Variants in AGTPBP1 observed in about 807,000 individuals in gnomAD.
AGTPBP1 encodes the protein cytosolic carboxypeptidase 1.
A neutral mutation model predicts 143.9 loss-of-function variants in AGTPBP1; 70 were observed. That is an observed-to-expected ratio of 0.49 (90% CI 0.40 to 0.59). The LOEUF is 0.59. Ranked by LOEUF, AGTPBP1 falls within the 20% of genes least tolerant of loss-of-function variation. The pLI is 0.00. For synonymous variants in AGTPBP1, 463 were observed against 500.2 expected, an observed-to-expected ratio of 0.93 and a Z score of 0.99; for missense variants, 1,229 against 1,464.5, an observed-to-expected ratio of 0.84 and a Z score of 2.62.
intron 25 of AGTPBP1, among the ~76,000 whole-genome samples, chr9:85,559,409 C>T (rs1826553479): frequency 6.6e-6 from 1 of 151,166 alleles, no homozygotes; most frequent in Non-Finnish European, 1.5e-5. Context: ...TTTCTGATCC[C>T]TTCTCAAATA....
At chr9:85,689,617 G>A (rs968975791) in intron 3 of AGTPBP1, among the ~76,000 whole-genome samples, 22 of 151,840 alleles carry the variant, frequency 1.4e-4, no homozygotes, top group Middle Eastern at 3.4e-3. Flanking sequence ...TTTCTTGGCC[G>A]GGCACAGTGG....
chr9:85,690,258 C>G (rs1282257329), intron 3 of AGTPBP1, among the ~76,000 whole-genome samples: 2 of 152,180 alleles, frequency 1.3e-5, no homozygotes, highest in Non-Finnish European at 2.9e-5. Flanking sequence ...TCCAAACTTT[C>G]TCTCCCAAAT....
At chr9:85,612,983 A>G (rs1440860736) in intron 17 of AGTPBP1, among the ~76,000 whole-genome samples, 1 of 152,186 alleles carries the variant, frequency 6.6e-6, no homozygotes, top group Non-Finnish European at 1.5e-5. Flanking sequence ...AACTGACCAG[A>G]TATTAAGCCA....
At chr9:85,696,235 G>C (rs991136302) in intron 2 of AGTPBP1, among the ~76,000 whole-genome samples, 2 of 152,108 alleles carry the variant, frequency 1.3e-5, no homozygotes, top group African/African-American at 4.8e-5. Context: ...GATAAAATTT[G>C]AGCTTTCAAG....
the AGTPBP1 span, among the ~76,000 whole-genome samples, chr9:85,750,266 T>C: frequency 2.0e-5 from 3 of 152,186 alleles, no homozygotes; most frequent in Non-Finnish European, 4.4e-5. Context: ...CATCCTGAAA[T>C]GTCTAGGGCT....
intron 14 of AGTPBP1, among the ~76,000 whole-genome samples, chr9:85,629,791 C>T (rs1287387596): frequency 2.0e-5 from 3 of 152,084 alleles, no homozygotes; most frequent in Non-Finnish European, 2.9e-5. Context: ...GGATGTATGT[C>T]CCTTACTAAC....
At chr9:85,550,262 A>C (rs1825964781) in intron 25 of AGTPBP1, among the ~76,000 whole-genome samples, 1 of 152,128 alleles carries the variant, frequency 6.6e-6, no homozygotes, top group Non-Finnish European at 1.5e-5. Flanking sequence ...ATAAATACTG[A>C]GACAGGGGAA....
intron 19 of AGTPBP1, among the ~76,000 whole-genome samples, chr9:85,590,334 T>G (rs1386071211): frequency 6.6e-6 from 1 of 152,266 alleles, no homozygotes; most frequent in East Asian, 1.9e-4. Context: ...ATTTTATCAC[T>G]TAAAAATTTA....
chr9:85,603,364 C>T (rs1345439074), intron 17 of AGTPBP1, among the ~76,000 whole-genome samples: 1 of 152,186 alleles, frequency 6.6e-6, no homozygotes, highest in Non-Finnish European at 1.5e-5. Flanking sequence ...CTGAGGCCAC[C>T]ATTACAGGCC....
chr9:85,720,931 G>A (rs1051056112), intron 1 of AGTPBP1, among the ~76,000 whole-genome samples: 3 of 152,178 alleles, frequency 2.0e-5, no homozygotes, highest in African/African-American at 4.8e-5. Flanking sequence ...GTACCCAGTA[G>A]TCATTCAGGA....
At chr9:85,637,101 G>C (rs1178020274) in intron 13 of AGTPBP1, among the ~76,000 whole-genome samples, 5 of 150,316 alleles carry the variant, frequency 3.3e-5, no homozygotes, top group African/African-American at 9.8e-5. Context: ...GAGTGCAATG[G>C]CATGATCTCA....
At chr9:85,799,377 C>T in the AGTPBP1 span, among the ~76,000 whole-genome samples, 2 of 152,070 alleles carry the variant, frequency 1.3e-5, no homozygotes, top group Non-Finnish European at 2.9e-5. Context: ...AATGGTATAT[C>T]TAGTTCTAGA....
intron 3 of AGTPBP1, among the ~76,000 whole-genome samples, chr9:85,691,408 A>G (rs1835864220): frequency 6.6e-6 from 1 of 152,172 alleles, no homozygotes; most frequent in South Asian, 2.1e-4. Context: ...AGCCTCCAGA[A>G]TAATGAAATT....
At chr9:85,738,456 T>C (rs1823973012) in intron 1 of AGTPBP1, among the ~76,000 whole-genome samples, 1 of 152,172 alleles carries the variant, frequency 6.6e-6, no homozygotes, top group Non-Finnish European at 1.5e-5. Context: ...TTAAAAAAAT[T>C]GATTTTGTGT....
At chr9:85,594,302 A>C (rs919922801) in intron 18 of AGTPBP1, among the ~76,000 whole-genome samples, 5 of 152,246 alleles carry the variant, frequency 3.3e-5, no homozygotes, top group African/African-American at 1.2e-4. Context: ...GGCACAATGC[A>C]AAAACAGATT....
intron 14 of AGTPBP1, among the ~76,000 whole-genome samples, chr9:85,623,823 T>C (rs1390375780): frequency 6.6e-6 from 1 of 151,812 alleles, no homozygotes; most frequent in Non-Finnish European, 1.5e-5. Context: ...GCAGATCAAC[T>C]TTTATAGAAG....
At chr9:85,662,447 T>C (rs1023635904) in intron 8 of AGTPBP1, among the ~76,000 whole-genome samples, 1 of 152,216 alleles carries the variant, frequency 6.6e-6, no homozygotes, top group African/African-American at 2.4e-5. Flanking sequence ...AAACTTTCCA[T>C]ACTTTTTACA....
At chr9:85,568,784 G>A (rs1284362382) in intron 25 of AGTPBP1, among the ~76,000 whole-genome samples, 1 of 152,146 alleles carries the variant, frequency 6.6e-6, no homozygotes, top group Non-Finnish European at 1.5e-5. Flanking sequence ...GATGGATTGG[G>A]TTAAGGGTAA....
the AGTPBP1 span, among the ~76,000 whole-genome samples, chr9:85,799,831 T>C: frequency 2.0e-5 from 3 of 152,082 alleles, no homozygotes; most frequent in African/African-American, 4.8e-5. Flanking sequence ...ATTTTTCAAA[T>C]AAAAGAATGA....
Sources: allele counts gnomAD v4.1 joint callset (sites outside exome capture counted in the v4.1 genomes callset), GRCh38; gene constraint gnomAD v4.1.1; transcripts MANE v1.5; gene names NCBI Gene and HGNC (gene_info 2026-07-23, HGNC 2026-07-21).